The following NRK variants were observed in gnomAD, a reference collection of about 807,000 sequenced individuals.
NRK encodes nik-related protein kinase.
NRK carries 67 observed loss-of-function variants against 125.2 expected under a neutral mutation model. The ratio of observed to expected loss-of-function variants is 0.54; its 90% CI spans 0.44 to 0.66. The LOEUF is 0.66. Among genes scored for constraint, NRK ranks in the 30% least tolerant of loss-of-function variants. The pLI, the probability that NRK is intolerant of heterozygous loss-of-function variation, is 0.00. For missense variants in NRK, 1,224 were observed against 1,192.9 expected, an observed-to-expected ratio of 1.03 and a Z score of -0.38; for synonymous variants, 458 against 429.0, an observed-to-expected ratio of 1.07 and a Z score of -0.84.
intron 26 of NRK, chrX:105,948,562 G>A: frequency 2.3e-6 from 1 of 436,911 alleles, no homozygotes; most frequent in East Asian, 3.9e-5. Context: ...TTTCTAAACA[G>A]ATTTTATTAA....
intron 2 of NRK, among the ~76,000 whole-genome samples, chrX:105,844,334 G>A (rs949250766): frequency 9.0e-6 from 1 of 110,624 alleles, no homozygotes; most frequent in Admixed American, 9.7e-5. Context: ...AGTGCAATGT[G>A]AAAATTGGTT....
rs372230041 is a variant in NRK, at chrX:105,898,568, T to C, written c.581-16T>C. On this transcript the variant is annotated splice_polypyrimidine_tract_variant and intron_variant, in intron 7 of 28. Coordinates refer to ENST00000243300, the MANE Select transcript of NRK (RefSeq NM_198465.4). Reference sequence around the variant, plus strand: ...TCTCCTGATTGATTATTTTGACATATAATGATTTTTGGCAGTTGATTTTGG... The same window carrying C: ...TCTCCTGATTGATTATTTTGACATACAATGATTTTTGGCAGTTGATTTTGG... 1.3e-4 allele frequency: 153 copies of C among 1,186,513 alleles called. No individual in the cohort carries two copies. The highest frequency in any genetic ancestry group is 1.7e-4 in the Non-Finnish European group (147 of 880,841).
intron 15 of NRK, among the ~76,000 whole-genome samples, chrX:105,916,031 C>A (rs1004863366): frequency 9.1e-6 from 1 of 110,497 alleles, no homozygotes; most frequent in Non-Finnish European, 1.9e-5. Flanking sequence ...AAATAGATGG[C>A]AAGGTTCACA....
upstream of NRK, chrX:105,822,534 G>A (rs1033239434): frequency 3.2e-6 from 1 of 308,088 alleles, no homozygotes; most frequent in Non-Finnish European, 5.7e-6. Context: ...GCACCCTGAC[G>A]GGGCAGACAC....
intron 13 of NRK, among the ~76,000 whole-genome samples, chrX:105,911,217 T>A (rs1254658213): frequency 8.9e-6 from 1 of 112,242 alleles, no homozygotes; most frequent in African/African-American, 3.2e-5. Flanking sequence ...TAAAACGTAA[T>A]TGTTTCAAAA....
chrX:105,933,105 A>G, intron 19 of NRK, among the ~76,000 whole-genome samples: 1 of 111,160 alleles, frequency 9.0e-6, no homozygotes, highest in Non-Finnish European at 1.9e-5. Context: ...AAAGGAAGGA[A>G]GGAAATTTCC....
At chrX:105,826,114 GATAT>G (rs760912366) in intron 1 of NRK, among the ~76,000 whole-genome samples, 7 of 88,898 alleles carry the variant, frequency 7.9e-5, no homozygotes, top group Non-Finnish European at 1.1e-4. Flanking sequence ...ATGTTTGGGT[GATAT>G]ATATATATAT....
intron 9 of NRK, 144 bp downstream of exon 9, chrX:105,900,816 A>G (rs2040148072): frequency 2.5e-6 from 1 of 403,333 alleles, no homozygotes. Flanking sequence ...ACTATGTGCC[A>G]AACTACGAAT....
At chrX:105,892,543 C>G (rs1157108998) in intron 5 of NRK, among the ~76,000 whole-genome samples, 2 of 111,789 alleles carry the variant, frequency 1.8e-5, no homozygotes, top group East Asian at 5.6e-4. Flanking sequence ...GCTCTTCTGA[C>G]TCACATAATA....
At chrX:105,948,405 A>T in intron 26 of NRK, 1 of 236,808 alleles carries the variant, frequency 4.2e-6, no homozygotes, top group South Asian at 1.8e-4. Flanking sequence ...GAGAAAGAAT[A>T]TAATAAAAAT....
intron 16 of NRK, among the ~76,000 whole-genome samples, chrX:105,919,682 A>G (rs952661585): frequency 3.6e-5 from 4 of 110,649 alleles, no homozygotes; most frequent in African/African-American, 1.3e-4. Context: ...TCAGTAGTTC[A>G]CTCCTCAACT....
At chrX:105,941,555 A>AAGAG (rs771874766) in intron 23 of NRK, among the ~76,000 whole-genome samples, 11,207 of 85,133 alleles carry the variant, frequency 0.13, 775 homozygotes, top group Admixed American at 0.23. Flanking sequence ...GAGAGACAGA[A>AAGAG]AGAGAGAGAG....
At chrX:105,823,044 C>G in intron 1 of NRK, 142 bp downstream of exon 1, 1 of 583,942 alleles carries the variant, frequency 1.7e-6, no homozygotes, top group Non-Finnish European at 2.6e-6. Flanking sequence ...ATCCTGGGAG[C>G]CGGCATGCGG....
At chrX:105,948,947 A>G (rs891026519) in intron 26 of NRK, among the ~76,000 whole-genome samples, 4 of 111,474 alleles carry the variant, frequency 3.6e-5, no homozygotes. Flanking sequence ...AGTTTTTCAT[A>G]TTATGTCACC....
Position 105,880,240 on chromosome X carries a change from G to T in NRK, c.165G>T (p.Val55=). The T allele has an allele frequency of 9.4e-7, 1 of 1,064,885 alleles. No homozygotes were observed. Among genetic ancestry groups the T allele is most frequent in the Admixed American group, 2.7e-5 (1 of 36,925 alleles). The allele number at this position is 1,064,885 out of a possible 1,213,427, so 87.8% of individuals were successfully genotyped here. A position where few individuals can be genotyped will look rare whatever the true frequency, so the allele number is the denominator to read the frequency against. The change falls in exon 3 of 29, where the codon GTG becomes GTT. Residue 55 remains valine (V), a synonymous_variant. Transcript: ENST00000243300. The part of the protein sequence containing the change: ...EKTGAFTAVK[V]MNARKTPLPE... The stretch of plus-strand genomic sequence containing the variant: ...CTGGTGCATTTACAGCTGTTAAAGT[G>T]ATGAACGCTCGTAAGGTAATATTAT...
chrX:105,888,201 T>C (rs1456205473), intron 4 of NRK, 93 bp from the exon 5 acceptor site: 4 of 681,507 alleles, frequency 5.9e-6, no homozygotes, highest in African/African-American at 2.3e-5. Flanking sequence ...TTAGTTGCCA[T>C]AGGATTCTCC....
At chrX:105,941,808 T>G (rs1032385220) in intron 23 of NRK, among the ~76,000 whole-genome samples, 2 of 111,317 alleles carry the variant, frequency 1.8e-5, no homozygotes. Flanking sequence ...CACAATTCAA[T>G]GGGTTTTAGG....
chrX:105,912,005 T>C (rs1457020168), intron 13 of NRK, among the ~76,000 whole-genome samples: 1 of 111,538 alleles, frequency 9.0e-6, no homozygotes, highest in East Asian at 2.8e-4. Flanking sequence ...AAGAAAATTA[T>C]TGATAATATA....
intron 23 of NRK, among the ~76,000 whole-genome samples, chrX:105,942,793 A>AT (rs1192382937): frequency 6.5e-4 from 66 of 102,284 alleles, no homozygotes; most frequent in Admixed American, 8.5e-4. Flanking sequence ...TATTTTTTAT[A>AT]TTTTTTTTTT....
Sources: allele counts gnomAD v4.1 joint callset (sites outside exome capture counted in the v4.1 genomes callset), GRCh38; gene constraint gnomAD v4.1.1; transcripts MANE v1.5; gene names NCBI Gene and HGNC (gene_info 2026-07-23, HGNC 2026-07-21).